Variants in PPP4R1 observed in about 807,000 individuals in gnomAD.
PPP4R1 encodes protein phosphatase 4 regulatory subunit 1.
PPP4R1 carries 42 observed loss-of-function variants against 111.2 expected under a neutral mutation model. The ratio of observed to expected loss-of-function variants is 0.38; its 90% confidence interval spans 0.29 to 0.49. The LOEUF is 0.49. PPP4R1 is among the 20% of genes least tolerant of loss of function. The probability of loss-of-function intolerance (pLI) is 0.97; values close to 1 mark genes in which losing one functional copy is unlikely to be tolerated. For synonymous variants in PPP4R1, 409 were observed against 405.5 expected (o/e 1.01, Z -0.10); for missense variants, 1,012 against 1,161.6 (o/e 0.87, Z 1.87).
chr18:9,566,739 A>G (rs2066773694), intron 11 of PPP4R1, among the ~76,000 whole-genome samples: 1 of 152,006 alleles, frequency 6.6e-6, no homozygotes, highest in Non-Finnish European at 1.5e-5. Flanking sequence ...GCCCTTAAGA[A>G]TTAGGCTAAA....
chr18:9,609,048 CTCTG>C (rs1170647575), intron 2 of PPP4R1, among the ~76,000 whole-genome samples: 3 of 146,274 alleles, frequency 2.1e-5, no homozygotes, highest in South Asian at 2.1e-4. Flanking sequence ...GGGTTTTTCT[CTCTG>C]TCTCTCTCTC....
chr18:9,608,021 T>C (rs2067513952), intron 2 of PPP4R1, among the ~76,000 whole-genome samples: 1 of 146,564 alleles, frequency 6.8e-6, no homozygotes, highest in Non-Finnish European at 1.5e-5. Flanking sequence ...TGATCTCGGG[T>C]GATCCACCCG....
At chr18:9,589,187 C>T (rs2067170288) in intron 4 of PPP4R1, among the ~76,000 whole-genome samples, 1 of 152,186 alleles carries the variant, frequency 6.6e-6, no homozygotes, top group African/African-American at 2.4e-5. Context: ...TACATCAATA[C>T]TCTGACACAT....
rs759126665 is a variant in PPP4R1 at position 9,547,826 on chromosome 18, G to A, written c.2816C>T (p.Ser939Phe). ...ASIHPASTKI[S>F]EDAMSTASST... ...GGACGCTGTGCTCATGGCATCTTCG[G>A]AGATTTTGGTACTGGCAGGGTGGAT... Residue 939 changes from serine (S) to phenylalanine (F), a missense_variant, in exon 20 of 20, where the codon TCC becomes TTC. Ser to Phe is a radical substitution (Grantham distance 155, BLOSUM62 -2). Around this residue, in one of 2 missense-constraint regions of PPP4R1, gnomAD observed 305 missense variants for 419.5 expected, o/e 0.73. Coordinates refer to ENST00000400556, the MANE Select transcript of PPP4R1 (RefSeq NM_001042388.3). 6.2e-7 allele frequency: 1 copy of A among 1,613,446 alleles called. No individual in the cohort carries two copies. Among genetic ancestry groups the A allele is most frequent in the Non-Finnish European group, 8.5e-7 (1 of 1,180,006 alleles).
At chr18:9,558,111 A>C (rs1490479581) in intron 14 of PPP4R1, among the ~76,000 whole-genome samples, 1 of 152,250 alleles carries the variant, frequency 6.6e-6, no homozygotes, top group African/African-American at 2.4e-5. Context: ...TGCCTTAATC[A>C]TAAAATTTTT....
At chr18:9,598,048 G>A (rs1274364198) in intron 2 of PPP4R1, among the ~76,000 whole-genome samples, 3 of 151,964 alleles carry the variant, frequency 2.0e-5, no homozygotes, top group Admixed American at 1.3e-4. Flanking sequence ...AAAAATACAC[G>A]GGATGGGATC....
intron 10 of PPP4R1, among the ~76,000 whole-genome samples, chr18:9,573,757 G>C (rs1171959268): frequency 6.6e-6 from 1 of 152,108 alleles, no homozygotes; most frequent in East Asian, 1.9e-4. Context: ...GAAGTTCCTT[G>C]ATCACTAGCT....
At position 9,553,388 on chromosome 18, in the gene PPP4R1, T is replaced by C. The variant is rs761220942; in HGVS notation, c.2225A>G (p.Tyr742Cys). 17 of 1,598,364 alleles carry C rather than the reference T, an allele frequency of 1.1e-5. No homozygotes were observed. The highest frequency in any genetic ancestry group is 1.5e-5 in the Non-Finnish European group (17 of 1,166,688). Residue 742 changes from tyrosine (Y) to cysteine (C), a missense_variant, in exon 16 of 20, where the codon TAT (tyrosine) becomes TGT (cysteine). Physicochemically the swap from Tyr to Cys is radical, Grantham distance 194. Around this residue, in one of 2 missense-constraint regions of PPP4R1, gnomAD observed 305 missense variants for 419.5 expected, o/e 0.73. Coordinates refer to ENST00000400556, the MANE Select transcript of PPP4R1 (RefSeq NM_001042388.3). ...TGTCACCAAAAACTCCTGAAGTTGATAAAGATATTCTCTTCTTTTGTCAAT... is the reference window on the plus strand; with the variant it reads ...TGTCACCAAAAACTCCTGAAGTTGACAAAGATATTCTCTTCTTTTGTCAAT... ...LHIDKRREYLYQLQEFLVTDN... is the reference protein window; with the variant it reads ...LHIDKRREYLCQLQEFLVTDN...
intron 9 of PPP4R1, among the ~76,000 whole-genome samples, chr18:9,577,581 C>T (rs1003269752): frequency 2.0e-5 from 3 of 152,068 alleles, no homozygotes; most frequent in Admixed American, 2.0e-4. Context: ...GTGGAAGAAG[C>T]GCGTGAACCC....
intron 11 of PPP4R1, among the ~76,000 whole-genome samples, chr18:9,565,218 T>C (rs887694132): frequency 8.5e-5 from 13 of 152,186 alleles, no homozygotes; most frequent in African/African-American, 3.1e-4. Context: ...TGTAATTGTT[T>C]TGGGAGCTGC....
At chr18:9,601,943 TGAAAG>T (rs1301814537) in intron 2 of PPP4R1, among the ~76,000 whole-genome samples, 1 of 152,032 alleles carries the variant, frequency 6.6e-6, no homozygotes, top group Non-Finnish European at 1.5e-5. Flanking sequence ...TTCCAAATTA[TGAAAG>T]GAATCAAATA....
At chr18:9,561,258 T>A (rs1014280119) in intron 13 of PPP4R1, among the ~76,000 whole-genome samples, 2 of 139,730 alleles carry the variant, frequency 1.4e-5, no homozygotes, top group East Asian at 2.1e-4. Flanking sequence ...ATAATAATAA[T>A]AATAAAGTCA....
intron 11 of PPP4R1, among the ~76,000 whole-genome samples, chr18:9,567,108 CCTT>C (rs1301490345): frequency 6.6e-6 from 1 of 152,112 alleles, no homozygotes; most frequent in Non-Finnish European, 1.5e-5. Context: ...AAACTGAAAA[CCTT>C]CTGGAAAGGA....
At chr18:9,612,207 T>C (rs1047782071) in intron 2 of PPP4R1, among the ~76,000 whole-genome samples, 1 of 152,188 alleles carries the variant, frequency 6.6e-6, no homozygotes, top group Admixed American at 6.5e-5. Flanking sequence ...CACTAACTCA[T>C]GTACAGCCTT....
intron 4 of PPP4R1, among the ~76,000 whole-genome samples, chr18:9,592,164 C>G (rs1162415449): frequency 6.6e-6 from 1 of 152,210 alleles, no homozygotes; most frequent in Non-Finnish European, 1.5e-5. Context: ...TGCTACACTA[C>G]ACTGTTCTAA....
At chr18:9,578,755 G>T (rs1053683605) in intron 9 of PPP4R1, among the ~76,000 whole-genome samples, 2 of 152,100 alleles carry the variant, frequency 1.3e-5, no homozygotes, top group African/African-American at 2.4e-5. Flanking sequence ...GAAAAGAATA[G>T]CTTGTATGTG....
chr18:9,562,981 G>A (rs149020732), intron 12 of PPP4R1: 3 of 997,152 alleles, frequency 3.0e-6, no homozygotes, highest in Non-Finnish European at 3.6e-6. Context: ...CTCAAGTCCC[G>A]ATCTTCTGCT....
At chr18:9,581,872 T>C (rs1949418766) in intron 9 of PPP4R1, among the ~76,000 whole-genome samples, 1 of 152,066 alleles carries the variant, frequency 6.6e-6, no homozygotes, top group African/African-American at 2.4e-5. Flanking sequence ...CCAATATGAT[T>C]AACCGCTGAC....
At chr18:9,601,814 G>A (rs1351839999) in intron 2 of PPP4R1, among the ~76,000 whole-genome samples, 1 of 152,032 alleles carries the variant, frequency 6.6e-6, no homozygotes, top group South Asian at 2.1e-4. Flanking sequence ...ATTCTTAATA[G>A]GAAGAGAAAA....
Sources: gnomAD v4.1 joint callset for allele counts (sites outside exome capture counted in the v4.1 genomes callset) on GRCh38, gnomAD v4.1.1 for gene constraint, gnomAD v4.1.1 regional missense constraint, MANE v1.5 for transcripts, NCBI Gene and HGNC (gene_info 2026-07-23, HGNC 2026-07-21) for gene names.